MTMR9: variants seen among roughly 807,000 people sequenced by gnomAD.
MTMR9 encodes the protein myotubularin related protein 9.
In MTMR9, 39 loss-of-function variants were observed where a neutral mutation model predicts 69.5. The observed-to-expected ratio is 0.56, with a 90% CI of 0.43 to 0.73. The LOEUF (loss-of-function observed/expected upper bound fraction) is 0.73. Among genes scored for constraint, MTMR9 ranks in the 30% least tolerant of loss-of-function variants. MTMR9 has a pLI of 0.00. For missense variants in MTMR9, 900 were observed against 671.2 expected (o/e 1.34, Z -3.77); for synonymous variants, 354 against 240.8 (o/e 1.47, Z -4.35).
At position 11,314,947 on chromosome 8, in the gene MTMR9, C is replaced by T. The variant is rs112479666; in HGVS notation, c.996C>T (p.His332=). 74 of 1,613,552 alleles carry T rather than the reference C, an allele frequency of 4.6e-5. No homozygotes were observed. Among genetic ancestry groups the T allele is most frequent in the African/African-American group, 3.6e-4 (27 of 74,884 alleles). The change falls in exon 7 of 10, where the codon CAC becomes CAT. Residue 332 remains histidine, a synonymous_variant. Transcript: ENST00000221086. The part of the protein sequence containing the change: ...IDREGASILI[H]GTEGTDSTLQ... ...GGGAAGGAGCATCAATATTGATTCA[C>T]GGAACAGAAGGAACTGATTCCACAC...
rs1030474416 is a variant in MTMR9, at chr8:11,323,008, G to A, written c.*220G>A. 1.4e-5 allele frequency: 5 copies of A among 352,834 alleles called. No individual in the cohort carries two copies. The highest frequency in any genetic ancestry group is 7.3e-4 in the Middle Eastern group (1 of 1,374). The allele number at this position is 352,834 out of a possible 1,614,324, so 21.9% of individuals were successfully genotyped here. ...GTTAGGGCCTGTCACTTTGGGAGCC[G>A]GAAGGAGGTGCTAGTCATTTTATTT... On this transcript the variant is annotated 3_prime_UTR_variant, in exon 10 of 10. Coordinates refer to ENST00000221086, the MANE Select transcript of MTMR9 (RefSeq NM_015458.4).
rs902729479 is a variant in MTMR9, at chr8:11,319,858, C to G, written c.1486+20C>G. 2 of 1,613,086 alleles carry G rather than the reference C, an allele frequency of 1.2e-6. No homozygotes were observed. Among genetic ancestry groups the G allele is most frequent in the African/African-American group, 2.7e-5 (2 of 74,854 alleles). ...GGGAAGGTAAACCACGCATCCTTTG[C>G]AAACTTCTTAACGGTCAGGTGTGCA... On this transcript the variant is annotated intron_variant, in intron 9 of 9. Coordinates refer to ENST00000221086, the MANE Select transcript of MTMR9 (RefSeq NM_015458.4).
intron 1 of MTMR9, among the ~76,000 whole-genome samples, chr8:11,288,496 G>T (rs1188933379): frequency 6.6e-6 from 1 of 151,716 alleles, no homozygotes; most frequent in African/African-American, 2.4e-5. Context: ...AGACCGGAAT[G>T]AAATGAGGAA....
chr8:11,284,919 C>T lies in MTMR9; in HGVS notation c.31C>T (p.Arg11Trp). 6.2e-7 allele frequency: 1 copy of T among 1,611,604 alleles called. No homozygotes were observed. The highest frequency in any genetic ancestry group is 8.5e-7 in the Non-Finnish European group (1 of 1,178,914). Reference sequence around the variant, plus strand: ...GTTTGCGGAGCTGATTAAGACCCCGCGGGTGGACAATGTGGTGCTGCACCG... The same window carrying T: ...GTTTGCGGAGCTGATTAAGACCCCGTGGGTGGACAATGTGGTGCTGCACCG... MEFAELIKTP[R>W]VDNVVLHRPF... Residue 11 changes from arginine to tryptophan, a missense_variant, in exon 1 of 10, where the codon CGG (arginine) becomes TGG (tryptophan). By Grantham distance (101) the Arg-to-Trp change is moderately radical. Coordinates refer to ENST00000221086, the MANE Select transcript of MTMR9 (RefSeq NM_015458.4).
At chr8:11,311,542 G>GT (rs1470028719) in intron 6 of MTMR9, among the ~76,000 whole-genome samples, 1 of 152,172 alleles carries the variant, frequency 6.6e-6, no homozygotes, top group African/African-American at 2.4e-5. Flanking sequence ...TTGTGCAATA[G>GT]TATTATGTCT....
downstream of MTMR9, among the ~76,000 whole-genome samples, chr8:11,328,703 C>T (rs1411455164): frequency 1.3e-5 from 2 of 152,130 alleles, no homozygotes; most frequent in East Asian, 3.8e-4. Flanking sequence ...AATATAATCT[C>T]CAAATAGCCT....
intron 2 of MTMR9, among the ~76,000 whole-genome samples, chr8:11,297,506 C>T (rs1251862559): frequency 3.3e-5 from 5 of 150,236 alleles, no homozygotes; most frequent in African/African-American, 4.9e-5. Context: ...TTCCATTGAG[C>T]ATGTATGTGT....
chr8:11,311,949 G>C (rs1224251017), intron 6 of MTMR9, among the ~76,000 whole-genome samples: 1 of 151,388 alleles, frequency 6.6e-6, no homozygotes, highest in Non-Finnish European at 1.5e-5. Flanking sequence ...TCTATCTCAG[G>C]ATACTACTTT....
At chr8:11,296,005 CT>C (rs1799545424) in intron 2 of MTMR9, among the ~76,000 whole-genome samples, 2 of 151,970 alleles carry the variant, frequency 1.3e-5, no homozygotes, top group Non-Finnish European at 2.9e-5. Context: ...ATTGTTTCTT[CT>C]TGAATATACT....
Position 11,285,167 on chromosome 8 carries a change from C to G in MTMR9, c.182+97C>G, listed in dbSNP as rs1297682800. The G allele has an allele frequency of 7.9e-6, 10 of 1,267,132 alleles. No individual in the cohort carries two copies. In the East Asian group the frequency reaches 2.1e-4, roughly 27 times the overall value. 78.5% of individuals were successfully genotyped at this position (1,267,132 alleles called of 1,614,324 possible). ...TGGCGTTTTCCGCGCAGCCTGCCGCCCAGCTAGCCGGCAAGATGAGCCCTC... is the reference window on the plus strand; with the variant it reads ...TGGCGTTTTCCGCGCAGCCTGCCGCGCAGCTAGCCGGCAAGATGAGCCCTC... On this transcript the variant is annotated intron_variant, in intron 1 of 9. Coordinates refer to ENST00000221086, the MANE Select transcript of MTMR9 (RefSeq NM_015458.4).
chr8:11,319,614 C>G (rs1800579392), intron 8 of MTMR9, 73 bp from the exon 9 acceptor site: 1 of 1,464,640 alleles, frequency 6.8e-7, no homozygotes. Context: ...AAGAAATTGT[C>G]CTCGTAAGAG....
downstream of MTMR9, among the ~76,000 whole-genome samples, chr8:11,329,114 A>G (rs184523593): frequency 5.3e-5 from 8 of 152,174 alleles, no homozygotes; most frequent in African/African-American, 7.2e-5. Flanking sequence ...TGTGCACTCT[A>G]TTGTGTTCCA....
downstream of MTMR9, among the ~76,000 whole-genome samples, chr8:11,330,400 C>A (rs938150679): frequency 6.6e-6 from 1 of 152,200 alleles, no homozygotes; most frequent in East Asian, 1.9e-4. Flanking sequence ...GCCCGGCCAC[C>A]ACCCCGTCTG....
At chr8:11,331,460 C>T, downstream of MTMR9, 5 of 1,614,030 alleles carry the variant, frequency 3.1e-6, no homozygotes, top group Non-Finnish European at 4.2e-6. Context: ...TTGGATGTGC[C>T]TACAGTGCAG....
At chr8:11,321,510 G>C (rs898526040) in intron 9 of MTMR9, 1 of 456,666 alleles carries the variant, frequency 2.2e-6, no homozygotes, top group African/African-American at 2.0e-5. Context: ...GTGGAGCTTA[G>C]AGATAAGTGA....
At chr8:11,331,411 G>A, downstream of MTMR9, 1 of 1,613,946 alleles carries the variant, frequency 6.2e-7, no homozygotes, top group Non-Finnish European at 8.5e-7. Flanking sequence ...GACATCCGAG[G>A]CTGGGCCTGC....
chr8:11,307,117 G>A (rs528394167), intron 5 of MTMR9, among the ~76,000 whole-genome samples: 3 of 152,208 alleles, frequency 2.0e-5, no homozygotes, highest in Admixed American at 6.5e-5. Context: ...TGTCAGCCAG[G>A]CTGGAGTGCA....
At chr8:11,334,145 G>C in the MTMR9 span, among the ~76,000 whole-genome samples, 16 of 152,180 alleles carry the variant, frequency 1.1e-4, no homozygotes, top group Non-Finnish European at 8.8e-5. Context: ...AGAGCCTTGA[G>C]CCAGATAAAC....
At chr8:11,334,598 A>G in the MTMR9 span, among the ~76,000 whole-genome samples, 3 of 151,958 alleles carry the variant, frequency 2.0e-5, no homozygotes, top group Non-Finnish European at 4.4e-5. Flanking sequence ...CATTATGGGG[A>G]AAATGGGGGG....
Sources: gnomAD v4.1 joint callset for allele counts (sites outside exome capture counted in the v4.1 genomes callset) on GRCh38, gnomAD v4.1.1 for gene constraint, MANE v1.5 for transcripts, NCBI Gene and HGNC (gene_info 2026-07-23, HGNC 2026-07-21) for gene names.